The following TRAPPC10 variants were observed in gnomAD, a reference collection of about 807,000 sequenced individuals.
The protein encoded by TRAPPC10 is trafficking protein particle complex subunit 10, also known as TRAPP 130 kDa subunit.
A neutral mutation model predicts 125.5 loss-of-function variants in TRAPPC10; 23 were observed. The observed-to-expected ratio is 0.18, with a 90% CI of 0.13 to 0.26. The LOEUF is 0.26. Ranked by LOEUF, TRAPPC10 falls within the 10% of genes least tolerant of loss-of-function variation. The pLI is 1.00. For synonymous variants in TRAPPC10, 509 were observed against 518.0 expected (o/e 0.98, Z 0.24); for missense variants, 1,123 against 1,308.4 (o/e 0.86, Z 2.19).
At chr21:44,040,544 G>T (rs952199428) in intron 3 of TRAPPC10, among the ~76,000 whole-genome samples, 9 of 152,036 alleles carry the variant, frequency 5.9e-5, no homozygotes, top group Non-Finnish European at 1.5e-5. Context: ...TGCCATGTTG[G>T]ACAGGCTGGT....
Position 44,069,590 on chromosome 21 carries a change from T to C in TRAPPC10, c.1039-4734T>C, listed in dbSNP as rs1470143166. 2.0e-5 allele frequency among the ~76,000 whole-genome samples: 3 copies of C among 152,170 alleles called. 1 individual carries two copies. The South Asian group carries it at 6.2e-4, about 32-fold the overall frequency. ...GACCACTTTGGAAGGCTGTTTGCGA[T>C]ATCTAATGGGTATCGCCATTACAAC... is the stretch of plus-strand genomic sequence containing the variant. On this transcript the variant is annotated intron_variant, in intron 7 of 22. Transcript: ENST00000291574.
At chr21:44,048,368 G>T (rs576533625) in intron 3 of TRAPPC10, among the ~76,000 whole-genome samples, 1 of 152,222 alleles carries the variant, frequency 6.6e-6, no homozygotes, top group South Asian at 2.1e-4. Context: ...GGGCTTGCTG[G>T]GCTTGTTTCC....
chr21:44,060,599 A>T (rs1405709277), intron 6 of TRAPPC10, among the ~76,000 whole-genome samples: 2 of 149,888 alleles, frequency 1.3e-5, no homozygotes, highest in African/African-American at 4.9e-5. Context: ...TTATACAAAC[A>T]TATCTATTTA....
At chr21:44,049,013 A>G (rs146482444) in intron 3 of TRAPPC10, among the ~76,000 whole-genome samples, 12 of 152,196 alleles carry the variant, frequency 7.9e-5, no homozygotes, top group African/African-American at 2.9e-4. Flanking sequence ...TGATTCTTTG[A>G]GTACTCTCTG....
At chr21:44,049,632 T>C (rs2035101320) in intron 3 of TRAPPC10, among the ~76,000 whole-genome samples, 2 of 152,178 alleles carry the variant, frequency 1.3e-5, no homozygotes, top group African/African-American at 4.8e-5. Context: ...ATCATCTCAC[T>C]TGGGGCCTCA....
intron 2 of TRAPPC10, among the ~76,000 whole-genome samples, chr21:44,032,809 C>A (rs759394653): frequency 9.2e-5 from 14 of 152,136 alleles, no homozygotes; most frequent in Non-Finnish European, 1.9e-4. Context: ...AAGGCACAGG[C>A]GTTTTGCAAA....
chr21:44,091,733 CG>C (rs2038594370), intron 18 of TRAPPC10, 189 bp from the exon 19 acceptor site: 2 of 521,122 alleles, frequency 3.8e-6, no homozygotes, highest in Non-Finnish European at 6.6e-6. Context: ...CCACCGTGCC[CG>C]GCCAAAAAGG....
chr21:44,070,912 C>T (rs2036820118), intron 7 of TRAPPC10, among the ~76,000 whole-genome samples: 1 of 152,202 alleles, frequency 6.6e-6, no homozygotes, highest in Admixed American at 6.5e-5. Context: ...CCTGAGAAGT[C>T]ATCCCTCCGT....
intron 3 of TRAPPC10, among the ~76,000 whole-genome samples, chr21:44,039,479 T>G (rs965017759): frequency 3.3e-5 from 5 of 152,230 alleles, no homozygotes; most frequent in African/African-American, 4.8e-5. Flanking sequence ...CATGGAGCCC[T>G]GGTTCCTCTG....
At chr21:44,043,909 G>A (rs938509494) in intron 3 of TRAPPC10, among the ~76,000 whole-genome samples, 3 of 152,144 alleles carry the variant, frequency 2.0e-5, no homozygotes, top group African/African-American at 4.8e-5. Context: ...GTCCCACTGT[G>A]TGTTTTAGCT....
Position 44,086,962 on chromosome 21 carries a change from T to G in TRAPPC10, c.2539+2T>G. Reference sequence around the variant, plus strand: ...CTGTGGTCTACTCCAACACGAGAGGTGAGGTGCCGCCCACCCAGGCCCAAG... The same window carrying G: ...CTGTGGTCTACTCCAACACGAGAGGGGAGGTGCCGCCCACCCAGGCCCAAG... On this transcript the variant is annotated splice_donor_variant, in intron 16 of 22. Transcript: ENST00000291574. LOFTEE classifies it high-confidence loss of function. 6.2e-7 allele frequency: 1 copy of G among 1,613,550 alleles called. No homozygotes were observed. The highest frequency in any genetic ancestry group is 8.5e-7 in the Non-Finnish European group (1 of 1,179,812).
At chr21:44,019,477 A>G (rs114061081) in intron 1 of TRAPPC10, among the ~76,000 whole-genome samples, 1,633 of 152,170 alleles carry the variant, frequency 0.011, 31 homozygotes, top group African/African-American at 0.037. Flanking sequence ...TCTTTCCTCT[A>G]TCTGCTCTTA....
chr21:44,067,750 A>G (rs997980213), intron 7 of TRAPPC10, among the ~76,000 whole-genome samples: 2 of 152,142 alleles, frequency 1.3e-5, no homozygotes, highest in Non-Finnish European at 2.9e-5. Context: ...GCCTCAGGTC[A>G]GCTTGGTAAA....
intron 3 of TRAPPC10, among the ~76,000 whole-genome samples, chr21:44,043,209 C>CTT (rs34708259): frequency 2.9e-3 from 272 of 94,232 alleles, no homozygotes; most frequent in African/African-American, 3.7e-3. Context: ...AATTATTACG[C>CTT]TTTTTTTTTT....
intron 7 of TRAPPC10, among the ~76,000 whole-genome samples, chr21:44,068,492 T>G (rs1172801233): frequency 3.3e-5 from 5 of 152,148 alleles, no homozygotes; most frequent in Non-Finnish European, 7.4e-5. Context: ...CATGAAAGGT[T>G]AGGACCTAGT....
intron 14 of TRAPPC10, 147 bp downstream of exon 14, chr21:44,083,449 A>G (rs2037903508): frequency 1.2e-6 from 1 of 861,544 alleles, no homozygotes; most frequent in Non-Finnish European, 1.7e-6. Context: ...ACAAAAATAC[A>G]CTGATGTTTT....
intron 13 of TRAPPC10, among the ~76,000 whole-genome samples, chr21:44,081,635 T>C (rs2037748527): frequency 6.6e-6 from 1 of 152,146 alleles, no homozygotes; most frequent in Non-Finnish European, 1.5e-5. Context: ...TAGGAACTTC[T>C]GCCTGCCCTG....
chr21:44,093,635 G>C (rs2038733430), intron 19 of TRAPPC10, among the ~76,000 whole-genome samples: 1 of 151,920 alleles, frequency 6.6e-6, no homozygotes, highest in African/African-American at 2.4e-5. Context: ...GCGTGCATCT[G>C]TAGTCCCAGC....
intron 3 of TRAPPC10, among the ~76,000 whole-genome samples, chr21:44,041,513 A>C (rs2034417357): frequency 6.6e-6 from 1 of 151,178 alleles, no homozygotes; most frequent in African/African-American, 2.4e-5. Flanking sequence ...AGTAGCTGGG[A>C]TTACAGGCAT....
Sources: gnomAD v4.1 joint callset for allele counts (sites outside exome capture counted in the v4.1 genomes callset) on GRCh38, gnomAD v4.1.1 for gene constraint, MANE v1.5 for transcripts, NCBI Gene and HGNC (gene_info 2026-07-23, HGNC 2026-07-21) for gene names.